PSD2: variants seen among roughly 807,000 people sequenced by gnomAD.
PSD2 encodes the protein PH and SEC7 domain-containing protein 2.
PSD2 carries 38 observed loss-of-function variants against 69.8 expected under a neutral mutation model. The observed-to-expected ratio is 0.54, with a 90% confidence interval of 0.42 to 0.71. The LOEUF (loss-of-function observed/expected upper bound fraction) is 0.71, where lower values mean the gene tolerates loss of function less well. Among genes scored for constraint, PSD2 ranks in the 30% least tolerant of loss-of-function variants. The pLI is 0.00. For missense variants in PSD2, 943 were observed against 1,014.5 expected (o/e 0.93, Z 0.96); for synonymous variants, 412 against 423.0 (o/e 0.97, Z 0.32).
chr5:139,815,012 C>A (rs1271167762), intron 4 of PSD2, among the ~76,000 whole-genome samples: 1 of 152,198 alleles, frequency 6.6e-6, no homozygotes, highest in East Asian at 1.9e-4. Context: ...CTCCCAACGT[C>A]CGCATTAAGG....
the PSD2 span, among the ~76,000 whole-genome samples, chr5:139,782,624 C>T: frequency 3.9e-5 from 6 of 152,078 alleles, no homozygotes; most frequent in East Asian, 1.2e-3. Flanking sequence ...TCCCAAGTAG[C>T]TGGGACTACA....
At chr5:139,760,971 C>A in the PSD2 span, among the ~76,000 whole-genome samples, 1 of 152,228 alleles carries the variant, frequency 6.6e-6, no homozygotes, top group South Asian at 2.1e-4. Flanking sequence ...GAAACGTAGC[C>A]CTTCCCTGGT....
the PSD2 span, among the ~76,000 whole-genome samples, chr5:139,747,917 A>C: frequency 6.6e-6 from 1 of 152,250 alleles, no homozygotes; most frequent in Admixed American, 6.5e-5. This position sits in a 1 kb window ranked among gnomAD's most constrained non-coding sequence, Gnocchi z 6.7. Flanking sequence ...GCCGACCCTG[A>C]ATTTTAAGCG....
chr5:139,747,325 G>A, the PSD2 span, among the ~76,000 whole-genome samples: 2 of 152,240 alleles, frequency 1.3e-5, no homozygotes, highest in African/African-American at 2.4e-5. This position sits in a 1 kb window ranked among gnomAD's most constrained non-coding sequence, Gnocchi z 6.7. Context: ...AGGTGGGCGG[G>A]GCTGCAGCAG....
intron 1 of PSD2, among the ~76,000 whole-genome samples, chr5:139,798,693 T>C (rs1759593267): frequency 6.6e-6 from 1 of 152,218 alleles, no homozygotes; most frequent in African/African-American, 2.4e-5. Flanking sequence ...CTTTTGAAAG[T>C]AAGTTGCCAA....
the PSD2 span, among the ~76,000 whole-genome samples, chr5:139,757,390 A>G: frequency 6.6e-6 from 1 of 152,234 alleles, no homozygotes; most frequent in Non-Finnish European, 1.5e-5. Flanking sequence ...TTTTCCCTTA[A>G]GAGTCAGTAA....
At chr5:139,822,327 G>A (rs771611412) in intron 6 of PSD2, among the ~76,000 whole-genome samples, 31 of 152,176 alleles carry the variant, frequency 2.0e-4, no homozygotes, top group African/African-American at 3.1e-4. Flanking sequence ...GGTCTAGGTC[G>A]GGGTCCTCTT....
chr5:139,807,917 G>A (rs1654249976), intron 1 of PSD2, among the ~76,000 whole-genome samples: 4 of 152,232 alleles, frequency 2.6e-5, no homozygotes, highest in Admixed American at 2.6e-4. Flanking sequence ...GGTTCGGGAG[G>A]TCTGGGGTAG....
At chr5:139,838,970 G>A (rs920591142) in intron 13 of PSD2, among the ~76,000 whole-genome samples, 198 bp downstream of exon 13, 3 of 152,134 alleles carry the variant, frequency 2.0e-5, no homozygotes. Flanking sequence ...GGCACACAGG[G>A]GCCACAGCTG....
chr5:139,841,822 G>A (rs6873156), intron 14 of PSD2, among the ~76,000 whole-genome samples: 2,055 of 152,216 alleles, frequency 0.014, 55 homozygotes, highest in African/African-American at 0.044. Context: ...AATTCAAGTC[G>A]TTTGCCCATT....
chr5:139,782,674 G>T, the PSD2 span, among the ~76,000 whole-genome samples: 1 of 151,536 alleles, frequency 6.6e-6, no homozygotes, highest in Non-Finnish European at 1.5e-5. Flanking sequence ...TTGTATTTTA[G>T]TATAGACAGG....
chr5:139,759,639 C>T, the PSD2 span, among the ~76,000 whole-genome samples: 3 of 152,318 alleles, frequency 2.0e-5, no homozygotes, highest in African/African-American at 4.8e-5. Flanking sequence ...CGGGCCGTGG[C>T]GGGCGCCGCG....
At chr5:139,766,467 A>G in the PSD2 span, among the ~76,000 whole-genome samples, 3 of 152,272 alleles carry the variant, frequency 2.0e-5, no homozygotes, top group East Asian at 5.8e-4. Context: ...CCTGTCCCAC[A>G]ATATGGGGTT....
intron 4 of PSD2, among the ~76,000 whole-genome samples, chr5:139,816,817 C>A (rs1760132453): frequency 6.6e-6 from 1 of 152,192 alleles, no homozygotes; most frequent in Non-Finnish European, 1.5e-5. Flanking sequence ...GGGCTCAGCC[C>A]CACCCTGAGC....
At position 139,809,545 on chromosome 5, in the gene PSD2, C is replaced by A; in HGVS notation, c.105C>A (p.Ala35=). The A allele has an allele frequency of 6.2e-7, 1 of 1,613,690 alleles. No homozygotes were observed. The highest frequency in any genetic ancestry group is 8.5e-7 in the Non-Finnish European group (1 of 1,179,750). Reference sequence around the variant, plus strand: ...AGCCAGGGGTCCGGAATGGGATGGCCAGTGAGGGCCTGAACAGCAGCCTCT... The same window carrying A: ...AGCCAGGGGTCCGGAATGGGATGGCAAGTGAGGGCCTGAACAGCAGCCTCT... ...EEEPGVRNGM[A]SEGLNSSLCS... Residue 35 remains alanine, a synonymous_variant, in exon 2 of 15, where the codon GCC becomes GCA. Transcript: ENST00000274710.
intron 4 of PSD2, 43 bp from the exon 5 acceptor site, chr5:139,817,438 G>T: frequency 6.4e-7 from 1 of 1,563,544 alleles, no homozygotes; most frequent in South Asian, 1.1e-5. Flanking sequence ...TCATCCTTGG[G>T]CTGGACCCTG....
At chr5:139,821,800 C>T (rs1433286726) in intron 5 of PSD2, 93 bp from the exon 6 acceptor site, 1 of 673,996 alleles carries the variant, frequency 1.5e-6, no homozygotes, top group Non-Finnish European at 2.6e-6. Context: ...GAGCCCTGGC[C>T]CCCTAGAGTG....
At chr5:139,766,828 CTTCTTTCTTTCTTTCTTTCTTTCTTTCT>C in the PSD2 span, among the ~76,000 whole-genome samples, 1 of 87,736 alleles carries the variant, frequency 1.1e-5, no homozygotes, top group Admixed American at 1.3e-4. Flanking sequence ...AAGTCCCTTC[CTTCTTTCTTTCTTTCTTTCTTTCTTTCT>C]TTCTTTCTTT....
chr5:139,837,679 C>T lies in PSD2; in HGVS notation c.1720C>T (p.Arg574Cys), dbSNP rs150692464. Reference sequence around the variant, plus strand: ...GGAGGGTGACCTGAAGAACGCCATTCGCGTGCATCACGCTCTGGCCACCAG... The same window carrying T: ...GGAGGGTGACCTGAAGAACGCCATTTGCGTGCATCACGCTCTGGCCACCAG... ...LSEGDLKNAI[R>C]VHHALATRAS... Residue 574 changes from arginine to cysteine, a missense_variant, in exon 12 of 15, where the codon CGC (arginine) becomes TGC (cysteine). Transcript: ENST00000274710. This position sits in a 1 kb window ranked among gnomAD's most constrained non-coding sequence, Gnocchi z 5.0. 28 of 1,613,914 alleles carry T rather than the reference C, an allele frequency of 1.7e-5. No individual in the cohort carries two copies. Among genetic ancestry groups the T allele is most frequent in the African/African-American group, 2.7e-5 (2 of 74,918 alleles).
Sources: allele counts gnomAD v4.1 joint callset (sites outside exome capture counted in the v4.1 genomes callset), GRCh38; gene constraint gnomAD v4.1.1; non-coding constraint Gnocchi (gnomAD v3.1); transcripts MANE v1.5; gene names NCBI Gene and HGNC (gene_info 2026-07-23, HGNC 2026-07-21).